SPIN1: variants seen among roughly 807,000 people sequenced by gnomAD.
SPIN1 encodes the protein spindlin 1, also known as spindlin-1.
A neutral mutation model predicts 26.0 loss-of-function variants in SPIN1; 3 were observed. The observed-to-expected ratio is 0.12, with a 90% CI of 0.05 to 0.30. The LOEUF is 0.30. SPIN1 is among the 10% of genes least tolerant of loss of function. The pLI is 1.00. For missense variants in SPIN1, 126 were observed against 333.4 expected (o/e 0.38, Z 4.84); for synonymous variants, 101 against 116.5 (o/e 0.87, Z 0.86).
intron 1 of SPIN1, among the ~76,000 whole-genome samples, chr9:88,401,900 C>T (rs921313631): frequency 6.6e-6 from 1 of 152,188 alleles, no homozygotes; most frequent in Non-Finnish European, 1.5e-5. Context: ...TAATATTTTA[C>T]ATCTTTATGG....
chr9:88,399,578 A>T (rs1827143399), intron 1 of SPIN1, among the ~76,000 whole-genome samples: 1 of 152,126 alleles, frequency 6.6e-6, no homozygotes, highest in Non-Finnish European at 1.5e-5. Context: ...AGGAGAGCCC[A>T]GAGGAAGGTG....
intron 1 of SPIN1, chr9:88,410,907 T>C (rs1455124119): frequency 8.9e-6 from 9 of 1,008,702 alleles, no homozygotes; most frequent in African/African-American, 1.6e-5. Context: ...GCACTAGCCA[T>C]CTCTTGCTTT....
chr9:88,452,878 T>C (rs1381223717), intron 3 of SPIN1, among the ~76,000 whole-genome samples: 1 of 152,192 alleles, frequency 6.6e-6, no homozygotes, highest in Non-Finnish European at 1.5e-5. Flanking sequence ...GAGAATTGCT[T>C]TATTACAATA....
At chr9:88,443,119 CAAAA>C (rs769488109) in intron 2 of SPIN1, among the ~76,000 whole-genome samples, 1 of 81,380 alleles carries the variant, frequency 1.2e-5, no homozygotes, top group Non-Finnish European at 2.9e-5. Flanking sequence ...GACTCCATCT[CAAAA>C]AAAAAAAAAA....
At chr9:88,409,370 A>T (rs893652766) in intron 1 of SPIN1, among the ~76,000 whole-genome samples, 3 of 150,882 alleles carry the variant, frequency 2.0e-5, no homozygotes, top group Non-Finnish European at 2.9e-5. Flanking sequence ...GTGTGTGTGT[A>T]TACACACGTG....
At chr9:88,469,761 G>A (rs1235811798) in intron 5 of SPIN1, among the ~76,000 whole-genome samples, 3 of 152,186 alleles carry the variant, frequency 2.0e-5, no homozygotes, top group African/African-American at 4.8e-5. Context: ...TCAAACACTT[G>A]AGCTCAGGTA....
intron 1 of SPIN1, among the ~76,000 whole-genome samples, chr9:88,420,823 G>A (rs1827654883): frequency 6.6e-6 from 1 of 152,198 alleles, no homozygotes; most frequent in Non-Finnish European, 1.5e-5. Context: ...ATGTGACTCA[G>A]ATCCCATTAT....
At chr9:88,457,570 T>G (rs1280105153) in intron 3 of SPIN1, among the ~76,000 whole-genome samples, 1 of 151,912 alleles carries the variant, frequency 6.6e-6, no homozygotes, top group African/African-American at 2.4e-5. Context: ...GAAGAGAAAA[T>G]TGCCCCTCAG....
In SPIN1 at chr9:88,450,289, G is replaced by A. The variant is rs185293683; in HGVS notation, c.101+1300G>A. 5.3e-5 allele frequency among the ~76,000 whole-genome samples: 8 copies of A among 152,260 alleles called. No individual in the cohort carries two copies. The East Asian group carries it at 1.5e-3, about 29-fold the overall frequency. ...TAATGATGAAAAACTTAAATACAGT[G>A]GGGACAAAGGCAAGTTAAACCTTAA... On this transcript the variant is annotated intron_variant, in intron 3 of 5. Transcript: ENST00000375859.
At chr9:88,401,681 C>A (rs1330346684) in intron 1 of SPIN1, among the ~76,000 whole-genome samples, 1 of 152,262 alleles carries the variant, frequency 6.6e-6, no homozygotes, top group East Asian at 1.9e-4. Context: ...TGTTGAAAAT[C>A]TGAGGTTAGT....
At chr9:88,438,286 C>T (rs1828049438) in intron 2 of SPIN1, among the ~76,000 whole-genome samples, 1 of 152,036 alleles carries the variant, frequency 6.6e-6, no homozygotes, top group South Asian at 2.1e-4. Context: ...ATTTAAATTT[C>T]TCTTGCAGTT....
chr9:88,389,255 GAC>G (rs1185443991), intron 1 of SPIN1: 2 of 152,260 alleles, frequency 1.3e-5, no homozygotes, highest in African/African-American at 2.4e-5. Context: ...TCTGGAGAGA[GAC>G]AGGCACTTTT....
At chr9:88,449,125 G>C in intron 3 of SPIN1, 136 bp downstream of exon 3, 1 of 742,830 alleles carries the variant, frequency 1.3e-6, no homozygotes, top group South Asian at 1.7e-5. Flanking sequence ...GTGCGATGAG[G>C]AATAGTATGT....
At chr9:88,411,410 A>C in intron 1 of SPIN1, 1 of 1,590,110 alleles carries the variant, frequency 6.3e-7, no homozygotes, top group Non-Finnish European at 8.6e-7. Context: ...CAACCCTCCA[A>C]TGAAGAGCTT....
At chr9:88,415,171 T>C (rs1827535840) in intron 1 of SPIN1, among the ~76,000 whole-genome samples, 1 of 152,156 alleles carries the variant, frequency 6.6e-6, no homozygotes, top group East Asian at 1.9e-4. Flanking sequence ...CCCAAAGTGC[T>C]GGGATTACAG....
rs573317074 is a variant in SPIN1, at chr9:88,407,437, C to T, written c.-159+18899C>T. Among the ~76,000 whole-genome samples, 5 of 151,992 alleles carry T rather than the reference C, an allele frequency of 3.3e-5. No individual in the cohort carries two copies. In the East Asian group the frequency reaches 7.9e-4, roughly 24 times the overall value. The stretch of plus-strand genomic sequence containing the variant: ...GGGATTACAGGTGTGAGCCACCGGC[C>T]TCATCTTCCTTTTTGAAGGATACTT... On this transcript the variant is annotated intron_variant, in intron 1 of 5. Coordinates refer to ENST00000375859, the MANE Select transcript of SPIN1 (RefSeq NM_006717.3).
chr9:88,401,252 C>G (rs528650974), intron 1 of SPIN1, among the ~76,000 whole-genome samples: 1 of 151,868 alleles, frequency 6.6e-6, no homozygotes, highest in Non-Finnish European at 1.5e-5. Context: ...TGTTTGTGAT[C>G]GAGAAAAATT....
intron 2 of SPIN1, among the ~76,000 whole-genome samples, chr9:88,436,828 G>A (rs1425537809): frequency 6.9e-6 from 1 of 144,222 alleles, no homozygotes; most frequent in South Asian, 2.2e-4. Context: ...GCAGTGGCGG[G>A]ATCTCGGCTC....
At chr9:88,460,329 C>T (rs1050793501) in intron 3 of SPIN1, among the ~76,000 whole-genome samples, 2 of 151,992 alleles carry the variant, frequency 1.3e-5, no homozygotes, top group African/African-American at 4.8e-5. Context: ...GTCTTAATTT[C>T]TGAAAAAAAA....
Sources: allele counts gnomAD v4.1 joint callset (sites outside exome capture counted in the v4.1 genomes callset), GRCh38; gene constraint gnomAD v4.1.1; transcripts MANE v1.5; gene names NCBI Gene and HGNC (gene_info 2026-07-23, HGNC 2026-07-21).